CATSPERG: variants seen among roughly 807,000 people sequenced by gnomAD.
The protein encoded by CATSPERG is cation channel sperm-associated auxiliary subunit gamma.
A neutral mutation model predicts 145.0 loss-of-function variants in CATSPERG; 115 were observed. The ratio of observed to expected loss-of-function variants is 0.79; its 90% CI spans 0.68 to 0.93. CATSPERG has a LOEUF of 0.93. Among genes scored for constraint, CATSPERG ranks in the 40% least tolerant of loss-of-function variants. The pLI is 0.00. For synonymous variants in CATSPERG, 588 were observed against 589.0 expected (o/e 1.00, Z 0.02); for missense variants, 1,296 against 1,490.1 (o/e 0.87, Z 2.14).
chr19:38,370,388 T>A, intron 28 of CATSPERG, 130 bp downstream of exon 28: 2 of 1,395,468 alleles, frequency 1.4e-6, no homozygotes, highest in Middle Eastern at 1.8e-4. Context: ...ACGCCTGCCA[T>A]GCCACAGGCT....
At chr19:38,352,207 A>G (rs1970153768) in intron 7 of CATSPERG, 54 bp from the exon 8 acceptor site, 2 of 1,524,556 alleles carry the variant, frequency 1.3e-6, no homozygotes, top group Admixed American at 2.0e-5. Context: ...AAGGCAGGAC[A>G]TGGGGGCTGA....
At position 38,370,661 on chromosome 19, in the gene CATSPERG, T is replaced by A. The variant is rs1034996655; in HGVS notation, c.3349T>A (p.Tyr1117Asn). The change falls in exon 29 of 29, where the codon TAC becomes AAC. Residue 1117 changes from tyrosine (Y) to asparagine (N), a missense_variant. Tyr to Asn is a moderately radical substitution (Grantham distance 143). Coordinates refer to ENST00000409235, the MANE Select transcript of CATSPERG (RefSeq NM_021185.5). Reference sequence around the variant, plus strand: ...CATTGCCTCAGAATCCTACTACACCTACGCCTCCATTTCCGGAATCTCGAG... The same window carrying A: ...CATTGCCTCAGAATCCTACTACACCAACGCCTCCATTTCCGGAATCTCGAG... ...NLIASESYYT[Y>N]ASISGISSMP... 3.1e-6 allele frequency: 5 copies of A among 1,614,136 alleles called. No homozygotes were observed. The highest frequency in any genetic ancestry group is 4.2e-6 in the Non-Finnish European group (5 of 1,180,042).
intron 23 of CATSPERG, 45 bp from the exon 24 acceptor site, chr19:38,367,464 C>T (rs771302162): frequency 4.4e-6 from 7 of 1,593,222 alleles, no homozygotes; most frequent in Non-Finnish European, 6.0e-6. Flanking sequence ...CTTCTCGGGC[C>T]AAGCTAATTT....
chr19:38,338,834 A>T (rs1969888518), intron 3 of CATSPERG, among the ~76,000 whole-genome samples: 1 of 151,254 alleles, frequency 6.6e-6, no homozygotes, highest in African/African-American at 2.4e-5. Flanking sequence ...ATGCCACTAC[A>T]CTCCAGCCTG....
intron 17 of CATSPERG, 47 bp from the exon 18 acceptor site, chr19:38,362,163 C>G (rs747443871): frequency 7.1e-6 from 11 of 1,550,258 alleles, no homozygotes; most frequent in Admixed American, 3.9e-5. Flanking sequence ...CCTGGAGGCT[C>G]TCGCCCCGCT....
At chr19:38,363,163 C>G (rs1305471073) in intron 20 of CATSPERG, among the ~76,000 whole-genome samples, 1 of 152,084 alleles carries the variant, frequency 6.6e-6, no homozygotes, top group East Asian at 1.9e-4. Context: ...CTCAGCCTCC[C>G]TAGTAGCTGA....
At chr19:38,346,242 G>A (rs1031433053) in intron 6 of CATSPERG, among the ~76,000 whole-genome samples, 1 of 152,196 alleles carries the variant, frequency 6.6e-6, no homozygotes, top group African/African-American at 2.4e-5. Context: ...AGGTGGGCAT[G>A]TTCCTGGGAG....
rs144382927 is a variant in CATSPERG at position 38,364,968 on chromosome 19, C to G, written c.2553C>G (p.Val851=). 30 of 1,613,696 alleles carry G rather than the reference C, an allele frequency of 1.9e-5. No individual in the cohort carries two copies. Among genetic ancestry groups the G allele is most frequent in the Non-Finnish European group, 2.5e-5 (29 of 1,179,708 alleles). The change falls in exon 21 of 29, where the codon GTC becomes GTG. Residue 851 remains valine, a synonymous_variant. Transcript: ENST00000409235. ...GHHLMETSMT[V]NVVGSSGLCF... ...ACCTTATGGAGACTTCCATGACGGT[C>G]AATGTGAGGTCCAAGCCTGGAGGGG...
chr19:38,362,195 G>C lies in CATSPERG; in HGVS notation c.2095-15G>C. ...CGCTGCCCAATCCCTTCACGGTGCC[G>C]GGCGATCCCTGCAGCCGTACGCGGA... On this transcript the variant is annotated splice_polypyrimidine_tract_variant and intron_variant, in intron 17 of 28. Coordinates refer to ENST00000409235, the MANE Select transcript of CATSPERG (RefSeq NM_021185.5). 1 of 1,576,170 alleles carries C rather than the reference G, an allele frequency of 6.3e-7. No homozygotes were observed. Among genetic ancestry groups the C allele is most frequent in the African/African-American group, 1.4e-5 (1 of 73,822 alleles).
intron 7 of CATSPERG, among the ~76,000 whole-genome samples, chr19:38,349,965 G>A (rs908029057): frequency 6.6e-6 from 1 of 151,894 alleles, no homozygotes; most frequent in African/African-American, 2.4e-5. Context: ...GCACCCGGCC[G>A]TTGCTCATTC....
chr19:38,360,224 G>A (rs1004853036), intron 14 of CATSPERG: 21 of 985,330 alleles, frequency 2.1e-5, no homozygotes, highest in Non-Finnish European at 2.3e-5. Flanking sequence ...TGCTTAGGTC[G>A]CAAGTGCCAG....
At position 38,370,675 on chromosome 19, in the gene CATSPERG, C is replaced by T. The variant is rs988032481; in HGVS notation, c.3363C>T (p.Ser1121=). The T allele has an allele frequency of 7.4e-6, 12 of 1,613,984 alleles. No homozygotes were observed. The highest frequency in any genetic ancestry group is 2.2e-5 in the East Asian group (1 of 44,884). The part of the protein sequence containing the change: ...SESYYTYASI[S]GISSMPSLRH... ...CCTACTACACCTACGCCTCCATTTCCGGAATCTCGAGCATGCCGTCTCTGA... is the reference window on the plus strand; with the variant it reads ...CCTACTACACCTACGCCTCCATTTCTGGAATCTCGAGCATGCCGTCTCTGA... The change falls in exon 29 of 29, where the codon TCC becomes TCT. Residue 1121 remains serine, a synonymous_variant. Transcript: ENST00000409235.
intron 7 of CATSPERG, 122 bp from the exon 8 acceptor site, chr19:38,352,139 C>T: frequency 1.0e-6 from 1 of 962,674 alleles, no homozygotes; most frequent in Non-Finnish European, 1.5e-6. Context: ...AGGGAGAGCG[C>T]CCTGGGGCAG....
chr19:38,351,386 A>G (rs1970136527), intron 7 of CATSPERG, among the ~76,000 whole-genome samples: 1 of 152,148 alleles, frequency 6.6e-6, no homozygotes, highest in South Asian at 2.1e-4. Flanking sequence ...AGGTGGGCGG[A>G]TCACGAGGTC....
intron 20 of CATSPERG, among the ~76,000 whole-genome samples, chr19:38,364,088 G>T (rs1283422413): frequency 2.6e-5 from 4 of 151,512 alleles, no homozygotes; most frequent in Admixed American, 6.6e-5. Context: ...CTGGCCGGGC[G>T]GGGGGCTGAC....
chr19:38,349,596 A>C (rs1449761899), intron 7 of CATSPERG: 1 of 152,438 alleles, frequency 6.6e-6, no homozygotes, highest in East Asian at 1.9e-4. Context: ...TGCTGTAACA[A>C]AGAGACCCTG....
At chr19:38,368,283 A>C in intron 26 of CATSPERG, 146 bp downstream of exon 26, 1 of 691,472 alleles carries the variant, frequency 1.4e-6, no homozygotes, top group South Asian at 1.7e-5. Context: ...ACTTTGCACA[A>C]GCTGAAGTCT....
At chr19:38,354,661 G>A (rs1970211256) in intron 8 of CATSPERG, 49 bp from the exon 9 acceptor site, 1 of 1,599,624 alleles carries the variant, frequency 6.3e-7, no homozygotes, top group Non-Finnish European at 8.5e-7. Context: ...GGGGGCAGAG[G>A]CCCCAGATCC....
chr19:38,364,886 C>T lies in CATSPERG; in HGVS notation c.2476-5C>T. ...ATTTCTGCCTCTCCCCTCCTTCAAC[C>T]CCAGATTACGCTCAAGGATAAAAAG... On this transcript the variant is annotated splice_polypyrimidine_tract_variant and splice_region_variant and intron_variant, in intron 20 of 28. Transcript: ENST00000409235. The T allele has an allele frequency of 6.2e-7, 1 of 1,612,180 alleles. No homozygotes were observed.
Sources: allele counts gnomAD v4.1 joint callset (sites outside exome capture counted in the v4.1 genomes callset), GRCh38; gene constraint gnomAD v4.1.1; transcripts MANE v1.5; gene names NCBI Gene and HGNC (gene_info 2026-07-23, HGNC 2026-07-21).